The following NTN1 variants were observed in gnomAD, a reference collection of about 807,000 sequenced individuals.
The protein encoded by NTN1 is netrin-1.
In NTN1, 11 loss-of-function variants were observed where a neutral mutation model predicts 54.2. The ratio of observed to expected loss-of-function variants is 0.20; its 90% CI spans 0.13 to 0.34. The LOEUF (loss-of-function observed/expected upper bound fraction) is 0.34, where lower values mean the gene tolerates loss of function less well. Among genes scored for constraint, NTN1 ranks in the 10% least tolerant of loss-of-function variants. NTN1 has a pLI of 1.00. For missense variants in NTN1, 740 were observed against 893.1 expected, an observed-to-expected ratio of 0.83 and a Z score of 2.18; for synonymous variants, 371 against 382.0, an observed-to-expected ratio of 0.97 and a Z score of 0.33.
intron 2 of NTN1, among the ~76,000 whole-genome samples, chr17:9,101,155 T>A (rs1302435912): frequency 6.6e-6 from 1 of 152,246 alleles, no homozygotes; most frequent in Non-Finnish European, 1.5e-5. Context: ...GACTGTAAAC[T>A]TTCTGAGGGC....
chr17:9,022,515 C>T lies in NTN1; in HGVS notation c.142C>T (p.Pro48Ser). 6.5e-7 allele frequency: 1 copy of T among 1,548,062 alleles called. No individual in the cohort carries two copies. Among genetic ancestry groups the T allele is most frequent in the Non-Finnish European group, 8.7e-7 (1 of 1,150,238 alleles). Residue 48 changes from proline (P) to serine (S), a missense_variant, in exon 2 of 7, where the codon CCG (proline) becomes TCG (serine). By Grantham distance (74) the Pro-to-Ser change is moderately conservative. Transcript: ENST00000173229. Reference protein sequence around the residue: ...PDPCSDENGHPRRCIPDFVNA... With the variant: ...PDPCSDENGHSRRCIPDFVNA... ...TCCCTGCTCGGACGAGAACGGCCAC[C>T]CGCGCCGCTGCATCCCGGACTTTGT...
At chr17:9,092,948 C>T (rs779351671) in intron 2 of NTN1, among the ~76,000 whole-genome samples, 23 of 152,120 alleles carry the variant, frequency 1.5e-4, no homozygotes, top group South Asian at 2.1e-4. Context: ...TTAGTAGAGA[C>T]GGGGTTTCAC....
intron 2 of NTN1, among the ~76,000 whole-genome samples, chr17:9,045,016 T>A (rs1386133104): frequency 6.6e-6 from 1 of 152,216 alleles, no homozygotes; most frequent in Non-Finnish European, 1.5e-5. Flanking sequence ...GACTCCTCCT[T>A]GGTACACAGG....
chr17:9,161,288 C>T (rs1465776317), intron 2 of NTN1, among the ~76,000 whole-genome samples: 2 of 152,176 alleles, frequency 1.3e-5, no homozygotes, highest in Non-Finnish European at 2.9e-5. Flanking sequence ...AGGAAGGGAA[C>T]AGCATGTCCA....
At chr17:9,041,997 G>C (rs936746976) in intron 2 of NTN1, among the ~76,000 whole-genome samples, 5 of 149,790 alleles carry the variant, frequency 3.3e-5, no homozygotes, top group African/African-American at 9.8e-5. Context: ...CGACAGAGTG[G>C]GACTCTGTCA....
At chr17:9,144,289 C>T (rs979339417) in intron 2 of NTN1, among the ~76,000 whole-genome samples, 6 of 151,952 alleles carry the variant, frequency 3.9e-5, no homozygotes, top group African/African-American at 1.5e-4. Flanking sequence ...GTAGGTCTCC[C>T]ATAGCTGCCT....
chr17:9,133,614 A>G (rs1399736911), intron 2 of NTN1, among the ~76,000 whole-genome samples: 1 of 142,002 alleles, frequency 7.0e-6, no homozygotes. Context: ...TTTGAGACAG[A>G]GTCTTGCTCT....
intron 2 of NTN1, among the ~76,000 whole-genome samples, chr17:9,149,939 C>T (rs2092322671): frequency 6.6e-6 from 1 of 152,056 alleles, no homozygotes; most frequent in Non-Finnish European, 1.5e-5. Flanking sequence ...TGGTGGCGCA[C>T]ACCTGCAATC....
In NTN1 at chr17:9,239,706, T is replaced by C. The variant is rs975185466; in HGVS notation, c.1553T>C (p.Ile518Thr). Residue 518 changes from isoleucine to threonine, a missense_variant, in exon 7 of 7, where the codon ATC becomes ACC. Coordinates refer to ENST00000173229, the MANE Select transcript of NTN1 (RefSeq NM_004822.3). The surrounding 1 kb of genome is among the most constrained non-coding windows in gnomAD (Gnocchi z 5.2). Reference protein sequence around the residue: ...GDWWKFTVNIISVYKQGTSRI... With the variant: ...GDWWKFTVNITSVYKQGTSRI... ...TGGTGGAAGTTCACGGTGAACATCA[T>C]CTCCGTGTATAAGCAGGGCACGAGC... 6.2e-7 allele frequency: 1 copy of C among 1,613,432 alleles called. No individual in the cohort carries two copies. Among genetic ancestry groups the C allele is most frequent in the Non-Finnish European group, 8.5e-7 (1 of 1,179,894 alleles).
chr17:9,041,364 T>C (rs982567650), intron 2 of NTN1, among the ~76,000 whole-genome samples: 22 of 152,218 alleles, frequency 1.4e-4, no homozygotes, highest in African/African-American at 5.3e-4. Flanking sequence ...CACCCTGATC[T>C]GCACCCACAC....
intron 6 of NTN1, among the ~76,000 whole-genome samples, chr17:9,227,131 CGT>C (rs1905595234): frequency 1.3e-5 from 2 of 152,248 alleles, no homozygotes; most frequent in South Asian, 4.1e-4. Flanking sequence ...CTGCCTCCCA[CGT>C]CTCACACAAC....
intron 6 of NTN1, among the ~76,000 whole-genome samples, chr17:9,225,958 G>T (rs1013999356): frequency 6.6e-6 from 1 of 152,208 alleles, no homozygotes; most frequent in Non-Finnish European, 1.5e-5. Context: ...CCCTCGTGTG[G>T]CTGAAGAGCG....
chr17:9,025,789 C>T (rs1005858268), intron 2 of NTN1, among the ~76,000 whole-genome samples: 2 of 152,104 alleles, frequency 1.3e-5, no homozygotes, highest in East Asian at 1.9e-4. Flanking sequence ...TGAAAAGGCC[C>T]TGTAGTGGAG....
chr17:9,091,816 G>A (rs770961984), intron 2 of NTN1, among the ~76,000 whole-genome samples: 4 of 151,910 alleles, frequency 2.6e-5, no homozygotes, highest in South Asian at 4.2e-4. Context: ...ATCACCATCC[G>A]TCTCCAGAAC....
intron 2 of NTN1, among the ~76,000 whole-genome samples, chr17:9,147,123 A>G (rs550375436): frequency 3.3e-5 from 5 of 152,266 alleles, no homozygotes; most frequent in Non-Finnish European, 7.4e-5. Flanking sequence ...ACATCATTGC[A>G]GAAGGACAAT....
At chr17:9,226,327 G>A (rs1357560866) in intron 6 of NTN1, among the ~76,000 whole-genome samples, 1 of 152,142 alleles carries the variant, frequency 6.6e-6, no homozygotes, top group Non-Finnish European at 1.5e-5. Context: ...TGGAGGTGTA[G>A]TGGAGGGCAC....
intron 2 of NTN1, among the ~76,000 whole-genome samples, chr17:9,142,913 C>T (rs1007176998): frequency 8.5e-5 from 13 of 152,094 alleles, no homozygotes; most frequent in South Asian, 6.2e-4. Context: ...TGTTAGATGA[C>T]GTAATAAAAT....
intron 3 of NTN1, among the ~76,000 whole-genome samples, chr17:9,167,160 A>G (rs1358357611): frequency 6.6e-6 from 1 of 152,150 alleles, no homozygotes; most frequent in Non-Finnish European, 1.5e-5. Flanking sequence ...GTTATGGTGC[A>G]AGCTGTTGTC....
chr17:9,108,809 C>T (rs1387376879), intron 2 of NTN1, among the ~76,000 whole-genome samples: 1 of 152,204 alleles, frequency 6.6e-6, no homozygotes, highest in Non-Finnish European at 1.5e-5. Flanking sequence ...TAGGAAGTTA[C>T]AGTATTCTCC....
Sources: allele counts gnomAD v4.1 joint callset (sites outside exome capture counted in the v4.1 genomes callset), GRCh38; gene constraint gnomAD v4.1.1; non-coding constraint Gnocchi (gnomAD v3.1); transcripts MANE v1.5; gene names NCBI Gene and HGNC (gene_info 2026-07-23, HGNC 2026-07-21).